Variants in ZFHX3 observed in about 807,000 individuals in gnomAD.
ZFHX3 encodes the protein zinc finger homeobox protein 3.
ZFHX3 carries 42 observed loss-of-function variants against 279.1 expected under a neutral mutation model. The ratio of observed to expected loss-of-function variants is 0.15; its 90% CI spans 0.12 to 0.19. The LOEUF is 0.19. Ranked by LOEUF, ZFHX3 falls within the 10% of genes least tolerant of loss-of-function variation. The probability of loss-of-function intolerance (pLI) is 1.00; values close to 1 mark genes in which losing one functional copy is unlikely to be tolerated. For missense variants in ZFHX3, 4,981 were observed against 4,754.0 expected (o/e 1.05, Z -1.40); for synonymous variants, 2,293 against 1,957.8 (o/e 1.17, Z -4.52).
chr16:73,634,199 A>G (rs1398805164), intron 2 of ZFHX3, among the ~76,000 whole-genome samples: 1 of 151,794 alleles, frequency 6.6e-6, no homozygotes, highest in Non-Finnish European at 1.5e-5. Context: ...TATATGTAAT[A>G]TAAAATTGGG....
intron 2 of ZFHX3, among the ~76,000 whole-genome samples, chr16:73,593,723 C>T (rs557212435): frequency 6.6e-6 from 1 of 152,152 alleles, no homozygotes; most frequent in Admixed American, 6.5e-5. Context: ...GATTCTGGAA[C>T]CAATCTTTTA....
At chr16:73,106,543 C>T (rs532829778) in intron 7 of ZFHX3, among the ~76,000 whole-genome samples, 1 of 152,246 alleles carries the variant, frequency 6.6e-6, no homozygotes, top group South Asian at 2.1e-4. Context: ...TGCCCTTGGG[C>T]CTGGTCAAAT....
intron 5 of ZFHX3, among the ~76,000 whole-genome samples, chr16:73,216,780 A>AG (rs1287469974): frequency 3.3e-5 from 5 of 151,040 alleles, no homozygotes; most frequent in Non-Finnish European, 1.5e-5. Flanking sequence ...AAAAAGAAAA[A>AG]AAAAAAGGAC....
chr16:73,450,282 A>G (rs1309147475), intron 3 of ZFHX3, among the ~76,000 whole-genome samples: 1 of 152,162 alleles, frequency 6.6e-6, no homozygotes, highest in African/African-American at 2.4e-5. Flanking sequence ...TGAATCTTTT[A>G]TTCTCTGTAT....
intron 1 of ZFHX3, among the ~76,000 whole-genome samples, chr16:73,683,381 T>A (rs1015846069): frequency 1.3e-5 from 2 of 152,192 alleles, no homozygotes; most frequent in Non-Finnish European, 2.9e-5. Flanking sequence ...AGCCACGAGA[T>A]AACCTTTTAT....
intron 3 of ZFHX3, among the ~76,000 whole-genome samples, chr16:72,943,100 A>G (rs1453484158): frequency 6.6e-6 from 1 of 152,228 alleles, no homozygotes; most frequent in Non-Finnish European, 1.5e-5. Flanking sequence ...GGAGAATGAG[A>G]AACAGCTTTT....
intron 2 of ZFHX3, among the ~76,000 whole-genome samples, chr16:73,635,902 A>G (rs2052523196): frequency 6.6e-6 from 1 of 152,134 alleles, no homozygotes; most frequent in African/African-American, 2.4e-5. Flanking sequence ...CTGGATATGC[A>G]TTTTCCTGAT....
chr16:73,344,340 T>G (rs1275720676), intron 3 of ZFHX3, among the ~76,000 whole-genome samples: 1 of 152,128 alleles, frequency 6.6e-6, no homozygotes, highest in Admixed American at 6.5e-5. Flanking sequence ...AAATAAATGG[T>G]CTGTACTCTT....
chr16:73,695,238 T>A (rs888254343), intron 1 of ZFHX3, among the ~76,000 whole-genome samples: 3 of 83,326 alleles, frequency 3.6e-5, no homozygotes, highest in Admixed American at 3.1e-4. Flanking sequence ...TACAGTTTTT[T>A]TTTGTTTTTT....
chr16:72,857,404 A>G (rs1287517735), intron 4 of ZFHX3, among the ~76,000 whole-genome samples: 1 of 152,210 alleles, frequency 6.6e-6, no homozygotes, highest in Non-Finnish European at 1.5e-5. Flanking sequence ...AATAAAGACT[A>G]AGCTGAGTGT....
At chr16:73,567,726 C>T (rs577296276) in intron 2 of ZFHX3, among the ~76,000 whole-genome samples, 1 of 152,304 alleles carries the variant, frequency 6.6e-6, no homozygotes, top group African/African-American at 2.4e-5. Context: ...TCCCTTGTAG[C>T]TTAAGAGCCC....
In ZFHX3 at chr16:73,836,124, C is replaced by T. The variant is rs571756623; in HGVS notation, c.-1608+55527G>A. On this transcript the variant is annotated intron_variant, in intron 1 of 17. Coordinates refer to the ZFHX3 transcript ENST00000641206. ...AAGAGGGGAGAGATTTAAAATGTAG[C>T]ACTAGGAACTTTCTTTCACTTTAAG... Among the ~76,000 whole-genome samples, 4 of 152,314 alleles carry T rather than the reference C, an allele frequency of 2.6e-5. No individual in the cohort carries two copies. The South Asian group carries it at 8.3e-4, about 32-fold the overall frequency.
chr16:73,708,943 T>G (rs2053331042), intron 1 of ZFHX3, among the ~76,000 whole-genome samples: 1 of 152,190 alleles, frequency 6.6e-6, no homozygotes. Flanking sequence ...CGTATTTATC[T>G]TCCCTCGTTG....
intron 3 of ZFHX3, among the ~76,000 whole-genome samples, chr16:73,351,758 C>G (rs894465308): frequency 1.6e-4 from 25 of 152,176 alleles, no homozygotes; most frequent in African/African-American, 6.0e-4. Flanking sequence ...GCACGGTTTC[C>G]ATTACCTCTG....
intron 4 of ZFHX3, among the ~76,000 whole-genome samples, chr16:72,878,577 T>C (rs570136988): frequency 6.6e-6 from 1 of 152,356 alleles, no homozygotes; most frequent in South Asian, 2.1e-4. Context: ...CACAGATAAC[T>C]GCTGCTGCTT....
At chr16:73,268,887 G>C (rs2014062043) in intron 4 of ZFHX3, among the ~76,000 whole-genome samples, 1 of 152,160 alleles carries the variant, frequency 6.6e-6, no homozygotes, top group Non-Finnish European at 1.5e-5. Flanking sequence ...GTGGGCAACT[G>C]CAGACAGGGT....
intron 1 of ZFHX3, among the ~76,000 whole-genome samples, chr16:73,746,837 A>G (rs1236660650): frequency 2.0e-5 from 3 of 152,200 alleles, no homozygotes; most frequent in African/African-American, 7.2e-5. Flanking sequence ...CAGAGTCTAA[A>G]CTTTCCTACT....
chr16:73,460,516 A>G (rs774567959), intron 2 of ZFHX3, among the ~76,000 whole-genome samples: 4 of 152,112 alleles, frequency 2.6e-5, no homozygotes, highest in Admixed American at 6.5e-5. Context: ...AGGGTGGTGT[A>G]ATTGCTTGTT....
intron 1 of ZFHX3, among the ~76,000 whole-genome samples, chr16:73,002,470 C>T (rs1963533873): frequency 6.6e-6 from 1 of 152,124 alleles, no homozygotes; most frequent in Admixed American, 6.6e-5. Context: ...GCATACTGCC[C>T]ACCCAGCTTA....
Sources: gnomAD v4.1 joint callset for allele counts (sites outside exome capture counted in the v4.1 genomes callset) on GRCh38, gnomAD v4.1.1 for gene constraint, MANE v1.5 for transcripts, NCBI Gene and HGNC (gene_info 2026-07-23, HGNC 2026-07-21) for gene names.